Variants in CLYBL observed in about 807,000 individuals in gnomAD.
CLYBL encodes the protein citramalyl-CoA lyase, mitochondrial.
In CLYBL, 31 loss-of-function variants were observed where a neutral mutation model predicts 38.9. That is an observed-to-expected ratio of 0.80 (90% CI 0.60 to 1.08). CLYBL has a LOEUF of 1.08. Among genes scored for constraint, CLYBL ranks in the 50% least tolerant of loss-of-function variants. The pLI is 0.00. For missense variants in CLYBL, 434 were observed against 411.6 expected (o/e 1.05, Z -0.47); for synonymous variants, 171 against 158.6 (o/e 1.08, Z -0.59).
At chr13:99,795,833 CTA>C (rs920630091) in intron 2 of CLYBL, among the ~76,000 whole-genome samples, 6 of 152,106 alleles carry the variant, frequency 3.9e-5, no homozygotes, top group African/African-American at 1.4e-4. Context: ...AAGAATGAAA[CTA>C]AGGTTGAACA....
At chr13:99,748,607 CTT>C (rs1297270737) in intron 1 of CLYBL, among the ~76,000 whole-genome samples, 1 of 150,514 alleles carries the variant, frequency 6.6e-6, no homozygotes, top group Non-Finnish European at 1.5e-5. Flanking sequence ...ACCCAGCTAA[CTT>C]TTTGTATTTT....
chr13:99,908,381 A>G (rs1309496834), exon 10 of CLYBL, among the ~76,000 whole-genome samples: 1 of 152,244 alleles, frequency 6.6e-6, no homozygotes, highest in Non-Finnish European at 1.5e-5. Flanking sequence ...GCCAGCCTTC[A>G]AAGAAAGACC....
At chr13:99,852,852 A>C (rs550616343) in intron 2 of CLYBL, among the ~76,000 whole-genome samples, 1 of 152,328 alleles carries the variant, frequency 6.6e-6, no homozygotes, top group African/African-American at 2.4e-5. Flanking sequence ...GCCTGACTTA[A>C]TCTGTATCTG....
At chr13:99,883,451 A>C (rs1191983593) in intron 7 of CLYBL, among the ~76,000 whole-genome samples, 1 of 151,666 alleles carries the variant, frequency 6.6e-6, no homozygotes, top group Non-Finnish European at 1.5e-5. Context: ...CCAGGGAGGC[A>C]GAGGTTCCAA....
chr13:99,814,019 C>T (rs185149218), intron 2 of CLYBL, among the ~76,000 whole-genome samples: 1 of 152,292 alleles, frequency 6.6e-6, no homozygotes, highest in Non-Finnish European at 1.5e-5. Context: ...TGGTTTCTTT[C>T]ACTAATCCTT....
At position 99,836,593 on chromosome 13, in the gene CLYBL, G is replaced by A. The variant is rs568968761; in HGVS notation, c.250-22268G>A. Among the ~76,000 whole-genome samples, 11 of 152,316 alleles carry A rather than the reference G, an allele frequency of 7.2e-5. No homozygotes were observed. The South Asian group carries it at 1.4e-3, about 20-fold the overall frequency. ...CAGGGCTCTGCATGGTGATGCCACG[G>A]TGCCACAGTGTGATGGATTACAGGG... On this transcript the variant is annotated intron_variant, in intron 2 of 8. Coordinates refer to ENST00000339105, the MANE Select transcript of CLYBL (RefSeq NM_206808.5).
Position 99,772,881 on chromosome 13 carries a change from C to T in CLYBL, c.120C>T (p.His40=). The T allele has an allele frequency of 6.2e-7, 1 of 1,613,044 alleles. No individual in the cohort carries two copies. The highest frequency in any genetic ancestry group is 8.5e-7 in the Non-Finnish European group (1 of 1,179,808). The change falls in exon 2 of 9, where the codon CAC becomes CAT. Residue 40 remains histidine, a synonymous_variant. Coordinates refer to ENST00000339105, the MANE Select transcript of CLYBL (RefSeq NM_206808.5). ...PRLGYSSSSH[H]KYIPRRAVLY... ...TTGGATATAGTTCCTCATCCCATCACAAGTACATCCCCCGGAGGGCAGTGC... is the reference window on the plus strand; with the variant it reads ...TTGGATATAGTTCCTCATCCCATCATAAGTACATCCCCCGGAGGGCAGTGC...
chr13:99,640,575 G>C (rs1036833645), intron 1 of CLYBL, among the ~76,000 whole-genome samples: 1 of 152,210 alleles, frequency 6.6e-6, no homozygotes, highest in Non-Finnish European at 1.5e-5. Context: ...TTCAGCGTTG[G>C]TTAAGCTCTG....
At chr13:99,771,533 CA>C (rs1319066519) in intron 1 of CLYBL, among the ~76,000 whole-genome samples, 1 of 152,208 alleles carries the variant, frequency 6.6e-6, no homozygotes, top group Admixed American at 6.5e-5. Flanking sequence ...CCGGGCCCCG[CA>C]AATTGTATCG....
chr13:99,885,182 T>C (rs907752865), intron 7 of CLYBL: 1 of 469,872 alleles, frequency 2.1e-6, no homozygotes, highest in Non-Finnish European at 4.4e-6. Context: ...ATACTCTCAC[T>C]AGATGGGAAC....
intron 8 of CLYBL, chr13:99,892,111 T>C (rs1287289942): frequency 6.6e-6 from 1 of 152,206 alleles, no homozygotes; most frequent in Admixed American, 6.5e-5. Flanking sequence ...AAAATAAATG[T>C]GCAGAAACAC....
chr13:99,837,452 GAAAAT>G (rs967892963), intron 2 of CLYBL, among the ~76,000 whole-genome samples: 3 of 152,006 alleles, frequency 2.0e-5, no homozygotes, highest in South Asian at 2.1e-4. Flanking sequence ...ACCCTGTCTC[GAAAAT>G]AAAATAAAAT....
intron 2 of CLYBL, among the ~76,000 whole-genome samples, chr13:99,817,663 A>G (rs2050483734): frequency 1.3e-5 from 2 of 149,676 alleles, no homozygotes; most frequent in Admixed American, 6.6e-5. Flanking sequence ...TCAAAAAAAA[A>G]AAAAAAAAAA....
intron 6 of CLYBL, 68 bp from the exon 7 acceptor site, chr13:99,870,870 G>A (rs1486595048): frequency 1.2e-5 from 19 of 1,521,010 alleles, no homozygotes; most frequent in East Asian, 4.5e-5. Flanking sequence ...AACCTCACGC[G>A]ATAGAAACAT....
intron 2 of CLYBL, among the ~76,000 whole-genome samples, chr13:99,785,267 T>C (rs2049764534): frequency 7.2e-6 from 1 of 139,284 alleles, no homozygotes; most frequent in African/African-American, 2.6e-5. Flanking sequence ...GGAATGCAGT[T>C]GTTCAATCAT....
At chr13:99,702,173 A>T (rs2048076536) in intron 1 of CLYBL, among the ~76,000 whole-genome samples, 1 of 151,930 alleles carries the variant, frequency 6.6e-6, no homozygotes, top group African/African-American at 2.4e-5. Flanking sequence ...CAGTGGCATG[A>T]TGTTTGCTCA....
intron 1 of CLYBL, among the ~76,000 whole-genome samples, chr13:99,686,720 G>C (rs2047823456): frequency 6.6e-6 from 1 of 152,138 alleles, no homozygotes; most frequent in African/African-American, 2.4e-5. Flanking sequence ...GTGGATTTTA[G>C]GATAGGTTTT....
chr13:99,906,578 C>A (rs1235567036), intron 9 of CLYBL, among the ~76,000 whole-genome samples: 3 of 152,108 alleles, frequency 2.0e-5, no homozygotes. Flanking sequence ...TGCCTGCCAC[C>A]ACACCCAGCT....
At chr13:99,692,100 C>T (rs1383485071) in intron 1 of CLYBL, among the ~76,000 whole-genome samples, 2 of 152,088 alleles carry the variant, frequency 1.3e-5, no homozygotes, top group Non-Finnish European at 2.9e-5. Context: ...TTTCTTCACT[C>T]ATTCTTTCAT....
Sources: allele counts gnomAD v4.1 joint callset (sites outside exome capture counted in the v4.1 genomes callset), GRCh38; gene constraint gnomAD v4.1.1; transcripts MANE v1.5; gene names NCBI Gene and HGNC (gene_info 2026-07-23, HGNC 2026-07-21).